Variants in NCAM2 observed in about 807,000 individuals in gnomAD.
The protein encoded by NCAM2 is neural cell adhesion molecule 2, also known as N-CAM-2.
NCAM2 carries 30 observed loss-of-function variants against 98.1 expected under a neutral mutation model. The observed-to-expected ratio is 0.31, with a 90% CI of 0.23 to 0.41. The LOEUF (loss-of-function observed/expected upper bound fraction) is 0.41, where lower values mean the gene tolerates loss of function less well. NCAM2 is among the 10% of genes least tolerant of loss of function. The pLI is 1.00. For missense variants in NCAM2, 867 were observed against 1,005.8 expected, an observed-to-expected ratio of 0.86 and a Z score of 1.87; for synonymous variants, 368 against 342.4, an observed-to-expected ratio of 1.07 and a Z score of -0.83.
intron 1 of NCAM2, among the ~76,000 whole-genome samples, chr21:21,045,387 T>C (rs951596197): frequency 3.2e-4 from 48 of 152,346 alleles, no homozygotes; most frequent in African/African-American, 1.1e-3. Context: ...CTCATGCCTG[T>C]AATTCCAGCA....
At chr21:21,451,980 A>G (rs546902906) in intron 12 of NCAM2, among the ~76,000 whole-genome samples, 1 of 152,180 alleles carries the variant, frequency 6.6e-6, no homozygotes, top group Admixed American at 6.6e-5. Flanking sequence ...TTCTTGACAA[A>G]TGATTCTCAC....
intron 1 of NCAM2, among the ~76,000 whole-genome samples, chr21:21,176,012 G>T (rs2068276076): frequency 3.3e-5 from 5 of 152,124 alleles, no homozygotes; most frequent in Admixed American, 3.3e-4. Context: ...GAAACGTCCA[G>T]TATTTATTCT....
rs199634021 is a variant in NCAM2, at chr21:21,482,098, G to GA, written c.2077+4638dup. 1.9e-3 allele frequency among the ~76,000 whole-genome samples: 276 copies of GA among 144,798 alleles called. 1 individual carries two copies. Among genetic ancestry groups the GA allele is most frequent in the African/African-American group, 6.1e-3 (243 of 39,680 alleles). The allele number at this position is 144,798 out of a possible 152,430, so 95.0% of individuals were successfully genotyped here. ...GGGTGACAGAGCAAGACTCCATCTC[G>GA]AAAAAAAAAAAGTTATAAAATCGTG... On this transcript the variant is annotated intron_variant, in intron 15 of 17. Transcript: ENST00000400546.
At chr21:21,150,316 A>G (rs2146703260) in intron 1 of NCAM2, among the ~76,000 whole-genome samples, 1 of 152,164 alleles carries the variant, frequency 6.6e-6, no homozygotes, top group East Asian at 1.9e-4. Context: ...CTTCTTGCCA[A>G]GATTTATACT....
At chr21:21,301,384 ATT>A (rs531998939) in intron 5 of NCAM2, among the ~76,000 whole-genome samples, 62,029 of 145,990 alleles carry the variant, frequency 0.42, 14,285 homozygotes, top group Non-Finnish European at 0.54. Context: ...TTTTTTTTCT[ATT>A]TTTTTTTTTT....
chr21:21,195,387 C>T (rs1037616328), intron 1 of NCAM2, among the ~76,000 whole-genome samples: 1 of 152,108 alleles, frequency 6.6e-6, no homozygotes, highest in African/African-American at 2.4e-5. Flanking sequence ...AAGACCTAAA[C>T]AGAAGTACAT....
In NCAM2 at chr21:21,116,409, A is replaced by G. The variant is rs141191140; in HGVS notation, c.55+117791A>G. ...ACAGAGAGTTAAATATATATGTAGC[A>G]TATGAATAACTCTGATATACCACAA... On this transcript the variant is annotated intron_variant, in intron 1 of 17. Transcript: ENST00000400546. 2.7e-3 allele frequency among the ~76,000 whole-genome samples: 405 copies of G among 152,306 alleles called. 2 individuals are homozygous for G. Among genetic ancestry groups the G allele is most frequent in the African/African-American group, 9.3e-3 (388 of 41,570 alleles).
chr21:21,250,095 G>A (rs1245254526), intron 1 of NCAM2, among the ~76,000 whole-genome samples: 2 of 152,138 alleles, frequency 1.3e-5, no homozygotes, highest in Admixed American at 6.5e-5. Context: ...TTCCTCCCAG[G>A]TAGTATTTAG....
rs554862092 is a variant in NCAM2 at position 21,048,739 on chromosome 21, T to C, written c.55+50121T>C. Among the ~76,000 whole-genome samples the C allele has an allele frequency of 2.2e-4, 33 of 152,316 alleles. No individual in the cohort carries two copies. The South Asian group carries it at 3.9e-3, about 18-fold the overall frequency. ...CTGTACTCCAACCACCTGGGGCACATGTTCTCAGGACTTCCTGAGGGCTGT... is the reference window on the plus strand; with the variant it reads ...CTGTACTCCAACCACCTGGGGCACACGTTCTCAGGACTTCCTGAGGGCTGT... On this transcript the variant is annotated intron_variant, in intron 1 of 17. Transcript: ENST00000400546.
chr21:21,051,924 T>G (rs908792124), intron 1 of NCAM2, among the ~76,000 whole-genome samples: 1 of 152,224 alleles, frequency 6.6e-6, no homozygotes, highest in African/African-American at 2.4e-5. Flanking sequence ...TTATTACTGT[T>G]GCTATCATGC....
intron 6 of NCAM2, among the ~76,000 whole-genome samples, chr21:21,325,368 CTT>C: frequency 6.6e-6 from 1 of 152,230 alleles, no homozygotes; most frequent in East Asian, 1.9e-4. Context: ...CCCAAACTAA[CTT>C]TTATTCTTTT....
chr21:21,382,738 G>T (rs891239830), intron 9 of NCAM2, among the ~76,000 whole-genome samples: 3 of 151,870 alleles, frequency 2.0e-5, no homozygotes, highest in African/African-American at 7.3e-5. Context: ...CGCCATGTTG[G>T]CCAAGCTGGT....
intron 12 of NCAM2, among the ~76,000 whole-genome samples, chr21:21,458,912 G>A (rs1373895331): frequency 6.6e-6 from 1 of 152,136 alleles, no homozygotes; most frequent in East Asian, 1.9e-4. Context: ...GAAAGGGAAT[G>A]TATAAAATAG....
At position 21,411,129 on chromosome 21, in the gene NCAM2, T is replaced by C. The variant is rs74204064; in HGVS notation, c.1383+668T>C. Reference sequence around the variant, plus strand: ...ATATATATGTATATATATATACACATATATATGTATATATATATACATATA... The same window carrying C: ...ATATATATGTATATATATATACACACATATATGTATATATATATACATATA... On this transcript the variant is annotated intron_variant, in intron 10 of 17. Coordinates refer to ENST00000400546, the MANE Select transcript of NCAM2 (RefSeq NM_004540.5). 5.5e-3 allele frequency among the ~76,000 whole-genome samples: 173 copies of C among 31,610 alleles called. 18 individuals carry two copies. The highest frequency in any genetic ancestry group is 0.011 in the East Asian group (17 of 1,614). The allele number at this position is 31,610 out of a possible 152,430, so 20.7% of individuals were successfully genotyped here. A position where few individuals can be genotyped will look rare whatever the true frequency, so the allele number is the denominator to read the frequency against.
At chr21:21,097,222 G>A (rs1002238841) in intron 1 of NCAM2, among the ~76,000 whole-genome samples, 1 of 151,686 alleles carries the variant, frequency 6.6e-6, no homozygotes. Flanking sequence ...AAGAAGTGAG[G>A]TGATTGGTCA....
At chr21:21,455,022 A>T (rs144210619) in intron 12 of NCAM2, among the ~76,000 whole-genome samples, 32 of 151,984 alleles carry the variant, frequency 2.1e-4, no homozygotes, top group African/African-American at 7.2e-4. Flanking sequence ...AGCAATTAGG[A>T]TTACTAATTT....
At chr21:21,174,823 A>G (rs946886414) in intron 1 of NCAM2, among the ~76,000 whole-genome samples, 52 of 152,232 alleles carry the variant, frequency 3.4e-4, no homozygotes, top group Admixed American at 3.9e-4. Context: ...TAGAAAGGCC[A>G]GGGAAGGGTT....
At chr21:21,195,442 A>C (rs1031175825) in intron 1 of NCAM2, among the ~76,000 whole-genome samples, 3 of 152,198 alleles carry the variant, frequency 2.0e-5, no homozygotes, top group African/African-American at 7.2e-5. Context: ...GTTCAAAGGA[A>C]GAGCAGAATA....
chr21:21,507,431 G>A (rs1344144643), intron 15 of NCAM2, among the ~76,000 whole-genome samples: 1 of 152,020 alleles, frequency 6.6e-6, no homozygotes, highest in Non-Finnish European at 1.5e-5. Flanking sequence ...TGTCACTTGT[G>A]TTTCACATCA....
Sources: allele counts gnomAD v4.1 joint callset (sites outside exome capture counted in the v4.1 genomes callset), GRCh38; gene constraint gnomAD v4.1.1; transcripts MANE v1.5; gene names NCBI Gene and HGNC (gene_info 2026-07-23, HGNC 2026-07-21).